The following RGS12 variants were observed in gnomAD, a reference collection of about 807,000 sequenced individuals.
The protein encoded by RGS12 is regulator of G-protein signaling 12.
Under a neutral mutation model 120.1 loss-of-function variants are expected in RGS12, and 66 were observed. The observed-to-expected ratio is 0.55, with a 90% CI of 0.45 to 0.67. The LOEUF (loss-of-function observed/expected upper bound fraction) is 0.67. Among genes scored for constraint, RGS12 ranks in the 30% least tolerant of loss-of-function variants. The pLI, the probability that RGS12 is intolerant of heterozygous loss-of-function variation, is 0.00. For missense variants in RGS12, 1,859 were observed against 1,957.7 expected (o/e 0.95, Z 0.95); for synonymous variants, 827 against 804.7 (o/e 1.03, Z -0.47).
Position 3,428,543 on chromosome 4 carries a change from T to C in RGS12, c.3412-15T>C. ...TTGAAATGAAAGTAGAACTTTGACT[T>C]TCCTTCTAATGCAGGGAGAGGAAAG... On this transcript the variant is annotated splice_polypyrimidine_tract_variant and intron_variant, in intron 15 of 17. Transcript: ENST00000336727. 6.4e-7 allele frequency: 1 copy of C among 1,567,106 alleles called. No homozygotes were observed. Among genetic ancestry groups the C allele is most frequent in the Non-Finnish European group, 8.6e-7 (1 of 1,161,588 alleles).
intron 2 of RGS12, among the ~76,000 whole-genome samples, chr4:3,336,105 G>GCAAA (rs1314975897): frequency 2.0e-5 from 3 of 151,890 alleles, no homozygotes; most frequent in East Asian, 1.9e-4. Context: ...AAACAAGCAG[G>GCAAA]CAAACAAACA....
intron 4 of RGS12, among the ~76,000 whole-genome samples, chr4:3,400,085 C>G (rs1720427965): frequency 1.3e-5 from 2 of 152,210 alleles, no homozygotes; most frequent in South Asian, 4.1e-4. Context: ...ACAAACATTT[C>G]CAACTTAATA....
At chr4:3,301,769 T>TG (rs1560639181) in intron 1 of RGS12, among the ~76,000 whole-genome samples, 4 of 137,434 alleles carry the variant, frequency 2.9e-5, no homozygotes, top group Admixed American at 7.5e-5. Context: ...AATGAAGGGG[T>TG]GGGGGGCGCA....
At chr4:3,363,200 T>A (rs1715905780) in intron 3 of RGS12, among the ~76,000 whole-genome samples, 1 of 152,060 alleles carries the variant, frequency 6.6e-6, no homozygotes, top group Non-Finnish European at 1.5e-5. Flanking sequence ...GCAAGGCTGT[T>A]TGGAACTAGC....
intron 6 of RGS12, among the ~76,000 whole-genome samples, chr4:3,415,199 C>T (rs972766492): frequency 1.0e-4 from 15 of 143,060 alleles, no homozygotes; most frequent in Admixed American, 3.5e-4. Flanking sequence ...GTGAGAGGGC[C>T]GCGTGTGTGT....
At chr4:3,392,219 A>G (rs773387328) in intron 4 of RGS12, among the ~76,000 whole-genome samples, 1 of 152,200 alleles carries the variant, frequency 6.6e-6, no homozygotes, top group Non-Finnish European at 1.5e-5. Context: ...CCCCCAGGCT[A>G]GATAGACTGT....
At chr4:3,414,948 G>GGT in intron 6 of RGS12, 104 bp downstream of exon 6, 1 of 820,684 alleles carries the variant, frequency 1.2e-6, no homozygotes, top group Non-Finnish European at 2.0e-6. Context: ...GCATGTGAGG[G>GGT]GTGTGTGTGA....
chr4:3,367,796 A>G (rs769598182), intron 3 of RGS12, among the ~76,000 whole-genome samples: 1 of 152,142 alleles, frequency 6.6e-6, no homozygotes, highest in African/African-American at 2.4e-5. Context: ...CCCACAAAAG[A>G]GGAGATGGGG....
At chr4:3,310,320 GA>G (rs1245176561) in intron 1 of RGS12, among the ~76,000 whole-genome samples, 2 of 147,190 alleles carry the variant, frequency 1.4e-5, no homozygotes, top group Non-Finnish European at 2.9e-5. Context: ...GGTGTCCTCT[GA>G]GGGGAACCGG....
At chr4:3,429,415 G>A (rs540423493) in intron 16 of RGS12, among the ~76,000 whole-genome samples, 8 of 152,356 alleles carry the variant, frequency 5.3e-5, no homozygotes, top group Middle Eastern at 6.8e-3. Flanking sequence ...ACAGCTGGCT[G>A]TGGAGTCTGA....
intron 2 of RGS12, among the ~76,000 whole-genome samples, chr4:3,333,321 T>A (rs1183960805): frequency 2.6e-5 from 4 of 152,194 alleles, no homozygotes; most frequent in Admixed American, 2.6e-4. Flanking sequence ...AGTGCTGGGA[T>A]TACAGGCGTG....
intron 4 of RGS12, among the ~76,000 whole-genome samples, chr4:3,395,065 T>C (rs1424764907): frequency 6.6e-6 from 1 of 152,004 alleles, no homozygotes; most frequent in African/African-American, 2.4e-5. Flanking sequence ...TGGTGGCGCA[T>C]GCCTGTAATC....
intron 2 of RGS12, among the ~76,000 whole-genome samples, chr4:3,320,082 G>T (rs1483767672): frequency 6.6e-6 from 1 of 152,268 alleles, no homozygotes; most frequent in Non-Finnish European, 1.5e-5. Context: ...GTTGACACTG[G>T]TGTTTATGTG....
chr4:3,412,174 C>T (rs540712886), intron 4 of RGS12, among the ~76,000 whole-genome samples: 5 of 152,378 alleles, frequency 3.3e-5, no homozygotes, highest in East Asian at 3.9e-4. Flanking sequence ...ATGCTCTTCG[C>T]ACTTTGAATG....
intron 2 of RGS12, among the ~76,000 whole-genome samples, chr4:3,337,239 C>T (rs1003050009): frequency 3.3e-5 from 5 of 152,152 alleles, no homozygotes; most frequent in African/African-American, 1.2e-4. Context: ...GGGCAGGATG[C>T]GGAGGAGTTG....
intron 2 of RGS12, among the ~76,000 whole-genome samples, chr4:3,323,678 A>G (rs770862048): frequency 2.6e-5 from 4 of 152,182 alleles, no homozygotes; most frequent in Non-Finnish European, 4.4e-5. Flanking sequence ...TCTATATTTA[A>G]TAATAAGCTG....
chr4:3,338,294 A>G (rs1220439292), intron 2 of RGS12, among the ~76,000 whole-genome samples: 1 of 152,236 alleles, frequency 6.6e-6, no homozygotes, highest in Non-Finnish European at 1.5e-5. Flanking sequence ...TCCCAACCTC[A>G]GGTGGTCCAC....
At chr4:3,432,218 C>T (rs1647622126) in intron 17 of RGS12, 1 of 946,666 alleles carries the variant, frequency 1.1e-6, no homozygotes, top group African/African-American at 1.8e-5. Context: ...ACTTTGTTTC[C>T]ACTTTAGAAA....
rs770404826 is a variant in RGS12 at position 3,423,578 on chromosome 4, G to A, written c.3171G>A (p.Thr1057=). 6.9e-5 allele frequency: 111 copies of A among 1,612,676 alleles called. No individual in the cohort carries two copies. Among genetic ancestry groups the A allele is most frequent in the Non-Finnish European group, 9.0e-5 (106 of 1,179,958 alleles). The change falls in exon 13 of 18, where the codon ACG becomes ACA. Residue 1057 remains threonine (T), a synonymous_variant. Coordinates refer to ENST00000336727, the MANE Select transcript of RGS12 (RefSeq NM_001394154.1). The stretch of plus-strand genomic sequence containing the variant: ...AGGCCAAGCCCACCAAGCCCGTCAC[G>A]GAGGTGCTGCGGCCCGTGGTGGCCA... ...GLKAKPTKPV[T]EVLRPVVARY...
Sources: gnomAD v4.1 joint callset for allele counts (sites outside exome capture counted in the v4.1 genomes callset) on GRCh38, gnomAD v4.1.1 for gene constraint, MANE v1.5 for transcripts, NCBI Gene and HGNC (gene_info 2026-07-23, HGNC 2026-07-21) for gene names.